ANKRD34C: variants seen among roughly 807,000 people sequenced by gnomAD.
ANKRD34C encodes ankyrin repeat domain-containing protein 34C.
For synonymous variants in ANKRD34C, 260 were observed against 253.6 expected (o/e 1.03, Z -0.24); for missense variants, 563 against 653.0 (o/e 0.86, Z 1.50).
At chr15:79,289,258 A>T (rs187797650) in intron 1 of ANKRD34C, among the ~76,000 whole-genome samples, 3 of 152,368 alleles carry the variant, frequency 2.0e-5, no homozygotes, top group East Asian at 3.9e-4. Flanking sequence ...GTTGCATTTC[A>T]TCACTTAAGG....
intron 1 of ANKRD34C, among the ~76,000 whole-genome samples, chr15:79,285,974 A>C (rs2058643373): frequency 6.6e-6 from 1 of 152,216 alleles, no homozygotes; most frequent in African/African-American, 2.4e-5. Context: ...CAGCTTAAAA[A>C]ATATAAGACA....
chr15:79,294,477 C>G lies in ANKRD34C; in HGVS notation c.1193C>G (p.Ser398Cys). Residue 398 changes from serine to cysteine, a missense_variant, in exon 2 of 2, where the codon TCC becomes TGC. Coordinates refer to ENST00000421388, the MANE Select transcript of ANKRD34C (RefSeq NM_001146341.2). ...CCTCCCAACTCCATTTCCCTTGAAT[C>G]CGGCAAAGGACCTTTAGATAGAAAG... ...PDPPNSISLE[S>C]GKGPLDRKKL... The G allele has an allele frequency of 1.3e-6, 2 of 1,551,732 alleles. No individual in the cohort carries two copies. Among genetic ancestry groups the G allele is most frequent in the Non-Finnish European group, 1.7e-6 (2 of 1,147,002 alleles).
Position 79,295,157 on chromosome 15 carries a change from A to G in ANKRD34C, c.*265A>G. On this transcript the variant is annotated 3_prime_UTR_variant, in exon 2 of 2. Transcript: ENST00000421388. The stretch of plus-strand genomic sequence containing the variant: ...ATTTGAAGGTAACACAGCAAGTACA[A>G]TGATGTAAGCTGGGGACATCAGTAG... The G allele has an allele frequency of 2.3e-6, 1 of 439,468 alleles. No homozygotes were observed. Among genetic ancestry groups the G allele is most frequent in the East Asian group, 4.1e-5 (1 of 24,256 alleles). The allele number at this position is 439,468 out of a possible 1,614,324, so 27.2% of individuals were successfully genotyped here.
Position 79,294,233 on chromosome 15 carries a change from G to T in ANKRD34C, c.949G>T (p.Val317Phe), listed in dbSNP as rs977604822. 2.6e-6 allele frequency: 4 copies of T among 1,551,578 alleles called. No homozygotes were observed. Among genetic ancestry groups the T allele is most frequent in the East Asian group, 4.9e-5 (2 of 40,926 alleles). ...CCTCTTTCACACAGTCACAGAGCAG[G>T]TTCTGAAGATTCCAGTCTCTTCAGC... ...PTLFHTVTEQ[V>F]LKIPVSSAPA... Residue 317 changes from valine to phenylalanine, a missense_variant, in exon 2 of 2, where the codon GTT (valine) becomes TTT (phenylalanine). Val to Phe is a conservative substitution (Grantham distance 50). Transcript: ENST00000421388.
Position 79,294,321 on chromosome 15 carries a change from G to T in ANKRD34C, c.1037G>T (p.Arg346Ile), listed in dbSNP as rs1453307828. ...GQAPHPRLAR[R>I]GTLPVDQEKC... ...GCTCCCCACCCACGTCTGGCCAGGAGAGGAACTCTCCCTGTTGACCAAGAG... is the reference window on the plus strand; with the variant it reads ...GCTCCCCACCCACGTCTGGCCAGGATAGGAACTCTCCCTGTTGACCAAGAG... The change falls in exon 2 of 2, where the codon AGA becomes ATA. Residue 346 changes from arginine (R) to isoleucine (I), a missense_variant. Transcript: ENST00000421388. The T allele has an allele frequency of 6.4e-7, 1 of 1,551,578 alleles. No individual in the cohort carries two copies. Among genetic ancestry groups the T allele is most frequent in the African/African-American group, 1.4e-5 (1 of 73,056 alleles).
At position 79,285,009 on chromosome 15, in the gene ANKRD34C, C is replaced by T. The variant is rs150638563; in HGVS notation, c.-45+1781C>T. On this transcript the variant is annotated intron_variant, in intron 1 of 1. Transcript: ENST00000421388. Reference sequence around the variant, plus strand: ...ACAGCAGTTTCATATGGATTAATCTCATAAATGTTTATTGATTATATTCTA... The same window carrying T: ...ACAGCAGTTTCATATGGATTAATCTTATAAATGTTTATTGATTATATTCTA... Among the ~76,000 whole-genome samples the T allele has an allele frequency of 4.1e-3, 622 of 152,294 alleles. 5 individuals are homozygous for T. The highest frequency in any genetic ancestry group is 0.014 in the African/African-American group (595 of 41,560).
intron 1 of ANKRD34C, among the ~76,000 whole-genome samples, chr15:79,289,214 A>T (rs1182000485): frequency 6.6e-6 from 1 of 152,206 alleles, no homozygotes; most frequent in Non-Finnish European, 1.5e-5. Context: ...TACAAGAGTG[A>T]GGTAAGCACC....
At chr15:79,291,558 T>TCACACACACACACACACACACA in intron 1 of ANKRD34C, among the ~76,000 whole-genome samples, 1 of 50,996 alleles carries the variant, frequency 2.0e-5, no homozygotes, top group Non-Finnish European at 4.1e-5. Context: ...GAAAGACCAT[T>TCACACACACACACACACACACA]CACACACACA....
At chr15:79,284,477 A>G (rs1596037869) in intron 1 of ANKRD34C, among the ~76,000 whole-genome samples, 2 of 152,336 alleles carry the variant, frequency 1.3e-5, no homozygotes, top group South Asian at 4.1e-4. Flanking sequence ...CAAGGAGATC[A>G]TATGTGTGGA....
chr15:79,290,188 C>CTTTTTTTT (rs11382951), intron 1 of ANKRD34C, among the ~76,000 whole-genome samples: 1 of 108,808 alleles, frequency 9.2e-6, no homozygotes, highest in Non-Finnish European at 1.8e-5. Flanking sequence ...TGACACCCAG[C>CTTTTTTTT]TTTTTTTTTT....
intron 1 of ANKRD34C, among the ~76,000 whole-genome samples, chr15:79,287,673 A>T (rs1596038868): frequency 6.6e-6 from 1 of 152,370 alleles, no homozygotes; most frequent in East Asian, 1.9e-4. Context: ...AAACAAAAAC[A>T]TGCTGACTTA....
chr15:79,286,517 A>G (rs974591638), intron 1 of ANKRD34C, among the ~76,000 whole-genome samples: 1 of 152,188 alleles, frequency 6.6e-6, no homozygotes, highest in African/African-American at 2.4e-5. Context: ...GGTGTTCTTA[A>G]TATTTATTCA....
Position 79,293,997 on chromosome 15 carries a change from A to C in ANKRD34C, c.713A>C (p.Asn238Thr). ...EPGSPTRKVSNLKRARLPQLK... is the reference protein window; with the variant it reads ...EPGSPTRKVSTLKRARLPQLK... ...GGGTCACCCACCAGGAAAGTCAGTA[A>C]TCTCAAAAGGGCCCGTTTGCCTCAA... Residue 238 changes from asparagine to threonine, a missense_variant, in exon 2 of 2, where the codon AAT becomes ACT. Coordinates refer to ENST00000421388, the MANE Select transcript of ANKRD34C (RefSeq NM_001146341.2). 6.4e-7 allele frequency: 1 copy of C among 1,551,680 alleles called. No individual in the cohort carries two copies. Among genetic ancestry groups the C allele is most frequent in the Non-Finnish European group, 8.7e-7 (1 of 1,146,992 alleles).
At chr15:79,289,547 T>G (rs1246683448) in intron 1 of ANKRD34C, among the ~76,000 whole-genome samples, 2 of 152,200 alleles carry the variant, frequency 1.3e-5, no homozygotes, top group Non-Finnish European at 2.9e-5. Context: ...CTCCATTTCT[T>G]TCTTCTTTGC....
Position 79,292,959 on chromosome 15 carries a change from T to C in ANKRD34C, c.-44-282T>C, listed in dbSNP as rs75385471. Among the ~76,000 whole-genome samples, 394 of 152,360 alleles carry C rather than the reference T, an allele frequency of 2.6e-3. 3 individuals carry two copies. The highest frequency in any genetic ancestry group is 0.016 in the East Asian group (85 of 5,190). On this transcript the variant is annotated intron_variant, in intron 1 of 1. Coordinates refer to ENST00000421388, the MANE Select transcript of ANKRD34C (RefSeq NM_001146341.2). ...CATTTAAACAAATATTTACTCTATGTTAGGCTTTATGTTAACTGCTTTTCA... is the reference window on the plus strand; with the variant it reads ...CATTTAAACAAATATTTACTCTATGCTAGGCTTTATGTTAACTGCTTTTCA...
rs939078508 is a variant in ANKRD34C at position 79,297,409 on chromosome 15, G to A, written c.*2517G>A. The stretch of plus-strand genomic sequence containing the variant: ...ATTTTTTTTCTAAACCTTTAGCTAA[G>A]ATTTGGAAACCCAATATTTCCTAAG... On this transcript the variant is annotated 3_prime_UTR_variant, in exon 2 of 2. Transcript: ENST00000421388. The A allele has an allele frequency of 3.6e-5, 6 of 167,040 alleles. No homozygotes were observed. Among genetic ancestry groups the A allele is most frequent in the Non-Finnish European group, 8.8e-5 (6 of 68,118 alleles). 10.3% of individuals were successfully genotyped at this position (167,040 alleles called of 1,614,324 possible). A position where few individuals can be genotyped will look rare whatever the true frequency, so the allele number is the denominator to read the frequency against.
At chr15:79,286,947 C>T (rs528091112) in intron 1 of ANKRD34C, among the ~76,000 whole-genome samples, 1 of 152,284 alleles carries the variant, frequency 6.6e-6, no homozygotes, top group South Asian at 2.1e-4. Context: ...GTTCTGCTAC[C>T]TTTTGCCTTT....
intron 1 of ANKRD34C, among the ~76,000 whole-genome samples, chr15:79,287,057 G>A (rs1222871229): frequency 1.3e-5 from 2 of 152,180 alleles, no homozygotes; most frequent in Admixed American, 6.5e-5. Context: ...TTCTCTTTGT[G>A]AGCCCTTTCC....
chr15:79,287,081 G>T (rs759260161), intron 1 of ANKRD34C, among the ~76,000 whole-genome samples: 2 of 152,020 alleles, frequency 1.3e-5, no homozygotes, highest in Non-Finnish European at 2.9e-5. Context: ...TCTGCACCCC[G>T]AGTCCCTCCT....
Sources: gnomAD v4.1 joint callset for allele counts (sites outside exome capture counted in the v4.1 genomes callset) on GRCh38, gnomAD v4.1.1 for gene constraint, MANE v1.5 for transcripts, NCBI Gene and HGNC (gene_info 2026-07-23, HGNC 2026-07-21) for gene names.